The following LHFPL3 variants were observed in gnomAD, a reference collection of about 807,000 sequenced individuals.
LHFPL3 encodes LHFPL tetraspan subfamily member 3 protein.
Under a neutral mutation model 19.3 loss-of-function variants are expected in LHFPL3, and 5 were observed. The ratio of observed to expected loss-of-function variants is 0.26; its 90% CI spans 0.14 to 0.54. The LOEUF (loss-of-function observed/expected upper bound fraction) is 0.54, where lower values mean the gene tolerates loss of function less well. LHFPL3 is among the 20% of genes least tolerant of loss of function. LHFPL3 has a pLI of 0.94. For synonymous variants in LHFPL3, 133 were observed against 126.2 expected, an observed-to-expected ratio of 1.05 and a Z score of -0.36; for missense variants, 249 against 307.4, an observed-to-expected ratio of 0.81 and a Z score of 1.42.
At chr7:104,447,502 A>G (rs1792351681) in intron 1 of LHFPL3, among the ~76,000 whole-genome samples, 1 of 152,196 alleles carries the variant, frequency 6.6e-6, no homozygotes, top group African/African-American at 2.4e-5. Flanking sequence ...ATACAAGTCA[A>G]AAAGGCAGTC....
intron 1 of LHFPL3, among the ~76,000 whole-genome samples, chr7:104,459,900 G>C (rs372437478): frequency 7.2e-5 from 11 of 152,258 alleles, no homozygotes; most frequent in African/African-American, 2.6e-4. Context: ...GTGCAGGTTT[G>C]TTATATAGGT....
chr7:104,868,625 A>G (rs1348431057), intron 2 of LHFPL3, among the ~76,000 whole-genome samples: 5 of 152,200 alleles, frequency 3.3e-5, no homozygotes, highest in Non-Finnish European at 5.9e-5. Context: ...AGGAAGAATC[A>G]ATATCGTGAA....
chr7:104,436,591 A>G (rs1287609924), intron 1 of LHFPL3, among the ~76,000 whole-genome samples: 4 of 152,202 alleles, frequency 2.6e-5, no homozygotes, highest in Non-Finnish European at 5.9e-5. Flanking sequence ...TCTGAAGATC[A>G]TATTGATTTT....
chr7:104,601,848 T>A (rs1037411119), intron 1 of LHFPL3, among the ~76,000 whole-genome samples: 3 of 152,066 alleles, frequency 2.0e-5, no homozygotes, highest in Non-Finnish European at 4.4e-5. Flanking sequence ...ATCCTATGCT[T>A]TGTTCCATGG....
chr7:104,659,982 C>T (rs959853416), intron 1 of LHFPL3, among the ~76,000 whole-genome samples: 1 of 149,022 alleles, frequency 6.7e-6, no homozygotes, highest in Non-Finnish European at 1.5e-5. Context: ...CTTCCTAGCC[C>T]TCCAGTTTGC....
chr7:104,417,857 A>ATTCTTCTTC (rs1205200413), intron 1 of LHFPL3, among the ~76,000 whole-genome samples: 2 of 125,654 alleles, frequency 1.6e-5, no homozygotes, highest in African/African-American at 6.3e-5. Context: ...TTCTTTTCTA[A>ATTCTTCTTC]TTCTTCTTCT....
Position 104,489,232 on chromosome 7 carries a change from G to A in LHFPL3, c.445+160008G>A, listed in dbSNP as rs1234550510. ...CAAGTAGCTGGGACTACAGGCGCCC[G>A]CCACTACGCCCGGCTAATTTTTTGT... On this transcript the variant is annotated intron_variant, in intron 1 of 2. Coordinates refer to ENST00000424859, the MANE Select transcript of LHFPL3 (RefSeq NM_199000.3). 3.1e-4 allele frequency among the ~76,000 whole-genome samples: 25 copies of A among 80,216 alleles called. 7 individuals carry two copies. The highest frequency in any genetic ancestry group is 7.2e-4 in the African/African-American group (19 of 26,498). The allele number at this position is 80,216 out of a possible 152,430, so 52.6% of individuals were successfully genotyped here.
At chr7:104,542,548 C>T (rs1261215245) in intron 1 of LHFPL3, among the ~76,000 whole-genome samples, 1 of 152,132 alleles carries the variant, frequency 6.6e-6, no homozygotes, top group African/African-American at 2.4e-5. Flanking sequence ...AATTCTATTG[C>T]TCTACCTTCC....
chr7:104,339,915 A>G (rs1789912939), intron 1 of LHFPL3, among the ~76,000 whole-genome samples: 2 of 152,194 alleles, frequency 1.3e-5, no homozygotes, highest in South Asian at 4.1e-4. Context: ...CTTGCCCTCA[A>G]TTAAATGCAG....
chr7:104,552,089 C>T (rs1429758405), intron 1 of LHFPL3, among the ~76,000 whole-genome samples: 6 of 152,148 alleles, frequency 3.9e-5, no homozygotes, highest in African/African-American at 1.4e-4. Context: ...GTTACTTAAT[C>T]TCCCTGTGCC....
In LHFPL3 at chr7:104,547,007, C is replaced by T. The variant is rs1346240979; in HGVS notation, c.446-189668C>T. Among the ~76,000 whole-genome samples the T allele has an allele frequency of 2.3e-4, 6 of 25,856 alleles. 3 individuals are homozygous for T. The highest frequency in any genetic ancestry group is 6.0e-4 in the Non-Finnish European group (6 of 9,992). The allele number at this position is 25,856 out of a possible 152,430, so 17.0% of individuals were successfully genotyped here. On this transcript the variant is annotated intron_variant, in intron 1 of 2. Coordinates refer to ENST00000424859, the MANE Select transcript of LHFPL3 (RefSeq NM_199000.3). Reference sequence around the variant, plus strand: ...ATCCCAGCACTTTGGGAGGCCGAGGCGGGTGGATCATGAGGTCAGGAGATC... The same window carrying T: ...ATCCCAGCACTTTGGGAGGCCGAGGTGGGTGGATCATGAGGTCAGGAGATC...
intron 1 of LHFPL3, among the ~76,000 whole-genome samples, chr7:104,457,094 T>C (rs1464600437): frequency 1.3e-5 from 2 of 152,138 alleles, no homozygotes; most frequent in Admixed American, 6.6e-5. Flanking sequence ...ATACTTTGTT[T>C]TCAGCTTTTA....
chr7:104,497,526 T>C (rs1793508285), intron 1 of LHFPL3, among the ~76,000 whole-genome samples: 1 of 151,946 alleles, frequency 6.6e-6, no homozygotes, highest in Non-Finnish European at 1.5e-5. Flanking sequence ...ATCTGCCACT[T>C]TCAGTAAACA....
At chr7:104,511,780 C>T (rs923789090) in intron 1 of LHFPL3, among the ~76,000 whole-genome samples, 3 of 151,948 alleles carry the variant, frequency 2.0e-5, no homozygotes, top group African/African-American at 7.3e-5. Context: ...ATTCATGTAA[C>T]CAGACACCAC....
intron 2 of LHFPL3, among the ~76,000 whole-genome samples, chr7:104,877,990 C>T (rs1041787829): frequency 1.3e-5 from 2 of 152,142 alleles, no homozygotes; most frequent in Admixed American, 6.6e-5. Context: ...CACGCCACCA[C>T]ACCTGGCTAA....
chr7:104,430,400 A>ACG (rs1562895118), intron 1 of LHFPL3, among the ~76,000 whole-genome samples: 1 of 39,282 alleles, frequency 2.5e-5, no homozygotes, highest in Non-Finnish European at 4.0e-5. Context: ...ATATATATAT[A>ACG]TATACATATA....
At chr7:104,882,937 C>T (rs1251015735) in intron 2 of LHFPL3, among the ~76,000 whole-genome samples, 1 of 152,134 alleles carries the variant, frequency 6.6e-6, no homozygotes, top group African/African-American at 2.4e-5. Flanking sequence ...GAAGGCATTC[C>T]CGCATGTAGA....
At chr7:104,346,918 T>C (rs1790077919) in intron 1 of LHFPL3, among the ~76,000 whole-genome samples, 1 of 147,934 alleles carries the variant, frequency 6.8e-6, no homozygotes, top group Non-Finnish European at 1.5e-5. Context: ...GCGGCCATTA[T>C]ACCATACTAG....
intron 1 of LHFPL3, among the ~76,000 whole-genome samples, chr7:104,733,901 T>C (rs927341753): frequency 6.6e-6 from 1 of 152,220 alleles, no homozygotes; most frequent in African/African-American, 2.4e-5. Context: ...TCAGGAGCTC[T>C]TGTAGGGCAG....
Sources: allele counts gnomAD v4.1 joint callset (sites outside exome capture counted in the v4.1 genomes callset), GRCh38; gene constraint gnomAD v4.1.1; transcripts MANE v1.5; gene names NCBI Gene and HGNC (gene_info 2026-07-23, HGNC 2026-07-21).